SEMA3E: variants seen among roughly 807,000 people sequenced by gnomAD.
The protein encoded by SEMA3E is semaphorin 3E, also known as semaphorin-3E.
SEMA3E carries 49 observed loss-of-function variants against 93.6 expected under a neutral mutation model. That is an observed-to-expected ratio of 0.52 (90% CI 0.42 to 0.66). SEMA3E has a LOEUF of 0.66. Among genes scored for constraint, SEMA3E ranks in the 30% least tolerant of loss-of-function variants. The pLI is 0.00. For synonymous variants in SEMA3E, 363 were observed against 330.7 expected, an observed-to-expected ratio of 1.10 and a Z score of -1.06; for missense variants, 906 against 964.8, an observed-to-expected ratio of 0.94 and a Z score of 0.81.
intron 1 of SEMA3E, among the ~76,000 whole-genome samples, chr7:83,504,024 T>C (rs1790648166): frequency 6.6e-6 from 1 of 152,114 alleles, no homozygotes; most frequent in Admixed American, 6.5e-5. Context: ...TTCCCTCAAC[T>C]CACAAATTTA....
rs753319647 is a variant in SEMA3E, at chr7:83,367,922, C to T, written c.1992G>A (p.Thr664=). The change falls in exon 17 of 17, where the codon ACG becomes ACA. Residue 664 remains threonine, a synonymous_variant. Coordinates refer to ENST00000643230, the MANE Select transcript of SEMA3E (RefSeq NM_012431.3). ...CTACCTCCAAGGTGATTTTACGGAC[C>T]GTATGGACAAAGCTATGCTCTACTG... is the stretch of plus-strand genomic sequence containing the variant. The part of the protein sequence containing the change: ...CQTVEHSFVH[T]VRKITLEVVE... 9.9e-6 allele frequency: 16 copies of T among 1,611,322 alleles called. No homozygotes were observed. Among genetic ancestry groups the T allele is most frequent in the South Asian group, 3.3e-5 (3 of 90,866 alleles).
chr7:83,582,955 G>A (rs1422204659), intron 1 of SEMA3E, among the ~76,000 whole-genome samples: 1 of 152,010 alleles, frequency 6.6e-6, no homozygotes, highest in Non-Finnish European at 1.5e-5. Context: ...AATTTAAAAT[G>A]TGCTTTACTT....
intron 1 of SEMA3E, among the ~76,000 whole-genome samples, chr7:83,503,591 G>T (rs1313233613): frequency 6.6e-6 from 1 of 152,102 alleles, no homozygotes; most frequent in Non-Finnish European, 1.5e-5. Context: ...ATCATGGAGT[G>T]TACTTACACC....
intron 4 of SEMA3E, 23 bp downstream of exon 4, chr7:83,466,459 C>T: frequency 6.2e-7 from 1 of 1,613,040 alleles, no homozygotes; most frequent in African/African-American, 1.3e-5. Flanking sequence ...TTTTTATTGA[C>T]AGCAATGAAT....
chr7:83,374,051 A>G (rs1045113206), intron 16 of SEMA3E, among the ~76,000 whole-genome samples: 2 of 151,982 alleles, frequency 1.3e-5, no homozygotes, highest in African/African-American at 4.8e-5. Flanking sequence ...TACTAAAAAT[A>G]CAAAATTAGC....
rs140281118 is a variant in SEMA3E at position 83,471,540 on chromosome 7, TGG to T, written c.277-2240_277-2239del. 4.5e-3 allele frequency among the ~76,000 whole-genome samples: 677 copies of T among 152,094 alleles called. 8 individuals are homozygous for T. Among genetic ancestry groups the T allele is most frequent in the African/African-American group, 0.016 (646 of 41,512 alleles). ...TAGGTAACTTTATGGAGGTGGAAGC[TGG>T]GTTAGTTCATGCTAGGTGGCTGTAG... On this transcript the variant is annotated intron_variant, in intron 2 of 16. Coordinates refer to ENST00000643230, the MANE Select transcript of SEMA3E (RefSeq NM_012431.3).
rs185071649 is a variant in SEMA3E, at chr7:83,386,268, A to G, written c.1735+715T>C. On this transcript the variant is annotated intron_variant, in intron 15 of 16. Transcript: ENST00000643230. ...GTCCAACAAATTGATGCTGGAGCAC[A>G]GTCTCTGGCTCTGCGTATAGCCACC... Among the ~76,000 whole-genome samples, 328 of 152,192 alleles carry G rather than the reference A, an allele frequency of 2.2e-3. 1 individual carries two copies. Among genetic ancestry groups the G allele is most frequent in the African/African-American group, 7.3e-3 (304 of 41,560 alleles).
intron 4 of SEMA3E, among the ~76,000 whole-genome samples, chr7:83,437,981 C>G (rs896317831): frequency 9.9e-5 from 15 of 152,060 alleles, no homozygotes; most frequent in Non-Finnish European, 1.6e-4. Flanking sequence ...ATAAAAAATT[C>G]AATGTTGGCA....
At chr7:83,456,108 T>G (rs1584259994) in intron 4 of SEMA3E, among the ~76,000 whole-genome samples, 1 of 152,356 alleles carries the variant, frequency 6.6e-6, no homozygotes, top group Non-Finnish European at 1.5e-5. Flanking sequence ...GTGCTAATAT[T>G]CTTGTGCTAA....
intron 1 of SEMA3E, among the ~76,000 whole-genome samples, chr7:83,534,153 A>G (rs1201472830): frequency 7.9e-5 from 12 of 152,240 alleles, no homozygotes; most frequent in African/African-American, 1.7e-4. Flanking sequence ...TGTGTAATAT[A>G]AATCTGAAAA....
intron 1 of SEMA3E, among the ~76,000 whole-genome samples, chr7:83,550,484 C>T (rs1639303): frequency 0.33 from 50,706 of 151,902 alleles, 10,348 homozygotes; most frequent in African/African-American, 0.57. Flanking sequence ...CCTTCTTCAC[C>T]ATTGTTGATT....
chr7:83,395,067 T>C (rs957266289), intron 12 of SEMA3E, among the ~76,000 whole-genome samples: 4 of 152,228 alleles, frequency 2.6e-5, no homozygotes, highest in Admixed American at 6.5e-5. Context: ...ATCCTCTATG[T>C]CAGTGTTTTT....
Position 83,607,562 on chromosome 7 carries a change from G to C in SEMA3E, c.115+40866C>G, listed in dbSNP as rs949892462. Among the ~76,000 whole-genome samples, 3 of 152,084 alleles carry C rather than the reference G, an allele frequency of 2.0e-5. No homozygotes were observed. The South Asian group carries it at 6.2e-4, about 32-fold the overall frequency. On this transcript the variant is annotated intron_variant, in intron 1 of 16. Transcript: ENST00000643230. ...AAGATTCTATACAAATATAAACTGG[G>C]TCATTGGCTTATTCTTGATTTATTC...
At chr7:83,377,179 G>A (rs1476186818) in intron 16 of SEMA3E, among the ~76,000 whole-genome samples, 1 of 151,902 alleles carries the variant, frequency 6.6e-6, no homozygotes, top group African/African-American at 2.4e-5. Flanking sequence ...TATTCACATT[G>A]CTTGATTTTA....
chr7:83,605,499 C>G (rs1483123865), intron 1 of SEMA3E, among the ~76,000 whole-genome samples: 2 of 151,456 alleles, frequency 1.3e-5, no homozygotes. Flanking sequence ...GGTGCGATCT[C>G]AATTCACTGC....
chr7:83,489,978 TTAAC>T, intron 2 of SEMA3E, 132 bp downstream of exon 2: 1 of 796,958 alleles, frequency 1.3e-6, no homozygotes, highest in Non-Finnish European at 2.0e-6. Context: ...GATTTCAGTT[TTAAC>T]TAATATTTTA....
At chr7:83,563,690 A>G (rs961893029) in intron 1 of SEMA3E, among the ~76,000 whole-genome samples, 4 of 152,162 alleles carry the variant, frequency 2.6e-5, no homozygotes, top group African/African-American at 9.7e-5. Flanking sequence ...CCTGCCTCCT[A>G]GAAACTTAAA....
intron 2 of SEMA3E, among the ~76,000 whole-genome samples, chr7:83,484,843 A>G (rs528600883): frequency 6.6e-6 from 1 of 152,302 alleles, no homozygotes; most frequent in African/African-American, 2.4e-5. Context: ...ATTAAAAATA[A>G]TATTATAGTT....
intron 1 of SEMA3E, among the ~76,000 whole-genome samples, chr7:83,563,223 G>A (rs1792073777): frequency 6.6e-6 from 1 of 152,148 alleles, no homozygotes; most frequent in East Asian, 1.9e-4. Flanking sequence ...GCCTCATGCA[G>A]CTTATGGTGT....
Sources: allele counts gnomAD v4.1 joint callset (sites outside exome capture counted in the v4.1 genomes callset), GRCh38; gene constraint gnomAD v4.1.1; transcripts MANE v1.5; gene names NCBI Gene and HGNC (gene_info 2026-07-23, HGNC 2026-07-21).